Variants in TSNARE1 observed in about 807,000 individuals in gnomAD.
The protein encoded by TSNARE1 is t-SNARE domain containing 1, also known as t-SNARE domain-containing protein 1.
A neutral mutation model predicts 62.0 loss-of-function variants in TSNARE1; 49 were observed. That is an observed-to-expected ratio of 0.79 (90% CI 0.63 to 1.00). The LOEUF is 1.00. TSNARE1 is among the 50% of genes least tolerant of loss of function. TSNARE1 has a pLI of 0.00. For missense variants in TSNARE1, 755 were observed against 700.1 expected (o/e 1.08, Z -0.88); for synonymous variants, 328 against 294.4 (o/e 1.11, Z -1.17).
At chr8:142,318,501 C>A (rs1183232063) in intron 7 of TSNARE1, 43 bp downstream of exon 7, 1 of 1,575,616 alleles carries the variant, frequency 6.3e-7, no homozygotes, top group Admixed American at 1.7e-5. Flanking sequence ...GCAGAGGGGT[C>A]CATTCCTCTC....
chr8:142,282,921 G>C (rs1821868327), intron 11 of TSNARE1, among the ~76,000 whole-genome samples: 1 of 148,046 alleles, frequency 6.8e-6, no homozygotes, highest in Non-Finnish European at 1.5e-5. Flanking sequence ...CTGTCAATGA[G>C]CGGAGGTGGG....
chr8:142,339,416 C>T (rs1467035812), intron 4 of TSNARE1, among the ~76,000 whole-genome samples: 1 of 151,384 alleles, frequency 6.6e-6, no homozygotes, highest in Non-Finnish European at 1.5e-5. Flanking sequence ...TGGACCTATA[C>T]CGTGGATGAG....
At chr8:142,284,765 T>C (rs1462516556) in intron 10 of TSNARE1, among the ~76,000 whole-genome samples, 1 of 152,078 alleles carries the variant, frequency 6.6e-6, no homozygotes, top group East Asian at 1.9e-4. Flanking sequence ...AACCCCAACC[T>C]CTCCAGGTGT....
intron 1 of TSNARE1, among the ~76,000 whole-genome samples, chr8:142,401,055 G>A (rs1838254217): frequency 6.6e-6 from 1 of 152,186 alleles, no homozygotes; most frequent in African/African-American, 2.4e-5. Flanking sequence ...GTACAGCCAT[G>A]GTCGAGGCAT....
At chr8:142,239,327 T>C (rs1817579497) in intron 12 of TSNARE1, among the ~76,000 whole-genome samples, 1 of 152,130 alleles carries the variant, frequency 6.6e-6, no homozygotes, top group Non-Finnish European at 1.5e-5. Context: ...TAAAGCCCCT[T>C]GGGTAAGAGC....
At chr8:142,345,935 G>A (rs1833302658) in intron 2 of TSNARE1, 43 bp from the exon 3 acceptor site, 2 of 1,583,510 alleles carry the variant, frequency 1.3e-6, no homozygotes, top group South Asian at 2.3e-5. Context: ...TCAGCTCAGG[G>A]CGCTCCTGGC....
intron 10 of TSNARE1, 130 bp downstream of exon 10, chr8:142,300,356 T>C (rs1366690189): frequency 6.5e-6 from 7 of 1,084,786 alleles, no homozygotes; most frequent in East Asian, 2.6e-5. Flanking sequence ...GGCAAGGCCA[T>C]GGAGGCCTAG....
At chr8:142,406,117 G>A (rs1429002570), upstream of TSNARE1, 3 of 152,346 alleles carry the variant, frequency 2.0e-5, no homozygotes, top group Non-Finnish European at 4.4e-5. Flanking sequence ...AGCCTGAAGT[G>A]TGGGCACGGC....
At chr8:142,348,854 G>A (rs1030372962) in intron 2 of TSNARE1, among the ~76,000 whole-genome samples, 9 of 152,152 alleles carry the variant, frequency 5.9e-5, no homozygotes, top group African/African-American at 1.9e-4. Flanking sequence ...CTCACTAGCT[G>A]GCTTTTTGCT....
At chr8:142,368,670 G>A (rs1374521278) in intron 1 of TSNARE1, among the ~76,000 whole-genome samples, 1 of 152,216 alleles carries the variant, frequency 6.6e-6, no homozygotes, top group East Asian at 1.9e-4. Context: ...GGGCTCAAGA[G>A]AAAGCCTAGC....
At chr8:142,278,533 G>C in intron 11 of TSNARE1, 2 of 985,482 alleles carry the variant, frequency 2.0e-6, no homozygotes, top group Non-Finnish European at 2.4e-6. Context: ...GACGGCGAAG[G>C]AGCTCCTGGC....
intron 2 of TSNARE1, among the ~76,000 whole-genome samples, chr8:142,347,701 C>T (rs937289071): frequency 7.0e-6 from 1 of 142,112 alleles, no homozygotes. Flanking sequence ...GCCATCACCT[C>T]GCCACACTGC....
chr8:142,300,437 C>A lies in TSNARE1; in HGVS notation c.1290+49G>T, dbSNP rs765615438. 2.6e-6 allele frequency: 4 copies of A among 1,550,414 alleles called. No homozygotes were observed. In the Admixed American group the frequency reaches 5.4e-5, roughly 21 times the overall value. The stretch of plus-strand genomic sequence containing the variant: ...GCACCTGGGCTCCTCTGGTTCCCAG[C>A]CTCATGTGGAGTGTGGAGAGTGAGC... On this transcript the variant is annotated intron_variant, in intron 10 of 13. Coordinates refer to ENST00000524325, the MANE Select transcript of TSNARE1 (RefSeq NM_145003.5).
At chr8:142,249,301 T>C (rs1818037789) in intron 12 of TSNARE1, among the ~76,000 whole-genome samples, 1 of 151,950 alleles carries the variant, frequency 6.6e-6, no homozygotes, top group Non-Finnish European at 1.5e-5. Flanking sequence ...AGGAGAACTG[T>C]GGGCAGAGGG....
chr8:142,273,127 C>G, intron 12 of TSNARE1: 1 of 985,416 alleles, frequency 1.0e-6, no homozygotes. Flanking sequence ...ACTGGGAATG[C>G]GGCACGGCGT....
At chr8:142,277,537 G>GC (rs997439918) in intron 11 of TSNARE1, 1 of 985,330 alleles carries the variant, frequency 1.0e-6, no homozygotes, top group African/African-American at 1.7e-5. Flanking sequence ...CAGCTGGGAT[G>GC]CCCCCACCCT....
At chr8:142,393,742 G>C (rs749691241) in intron 1 of TSNARE1, among the ~76,000 whole-genome samples, 37 of 152,136 alleles carry the variant, frequency 2.4e-4, no homozygotes, top group Admixed American at 3.9e-4. Flanking sequence ...CTGCAGATAG[G>C]GAAGCCCAGG....
At chr8:142,404,362 TG>T (rs1838523015), upstream of TSNARE1, 1 of 152,334 alleles carries the variant, frequency 6.6e-6, no homozygotes, top group Non-Finnish European at 1.5e-5. Flanking sequence ...GGAGTGTTCC[TG>T]GACACCAGGT....
intron 10 of TSNARE1, among the ~76,000 whole-genome samples, chr8:142,296,815 G>A (rs558889314): frequency 6.6e-5 from 10 of 151,962 alleles, no homozygotes; most frequent in African/African-American, 2.4e-4. Context: ...AGGCTCCCCA[G>A]GACGGGGCAG....
Sources: gnomAD v4.1 joint callset for allele counts (sites outside exome capture counted in the v4.1 genomes callset) on GRCh38, gnomAD v4.1.1 for gene constraint, MANE v1.5 for transcripts, NCBI Gene and HGNC (gene_info 2026-07-23, HGNC 2026-07-21) for gene names.